The following NFKBIE variants were observed in gnomAD, a reference collection of about 807,000 sequenced individuals.
NFKBIE encodes NF-kappa-B inhibitor epsilon.
In NFKBIE, 11 loss-of-function variants were observed where a neutral mutation model predicts 31.6. The observed-to-expected ratio is 0.35, with a 90% CI of 0.22 to 0.58. The LOEUF (loss-of-function observed/expected upper bound fraction) is 0.58. NFKBIE is among the 20% of genes least tolerant of loss of function. NFKBIE has a pLI of 0.83. For synonymous variants in NFKBIE, 208 were observed against 210.1 expected, an observed-to-expected ratio of 0.99 and a Z score of 0.09; for missense variants, 354 against 465.7, an observed-to-expected ratio of 0.76 and a Z score of 2.21.
chr6:44,264,838 G>T, intron 1 of NFKBIE, 144 bp downstream of exon 1: 1 of 939,592 alleles, frequency 1.1e-6, no homozygotes, highest in Non-Finnish European at 1.6e-6. Context: ...GACCTCAAAA[G>T]TGGGCTGAGA....
At position 44,265,001 on chromosome 6, in the gene NFKBIE, T is replaced by C. The variant is rs1380983945; in HGVS notation, c.346A>G (p.Ile116Val). 8 of 1,578,858 alleles carry C rather than the reference T, an allele frequency of 5.1e-6. 1 individual carries two copies. In the African/African-American group the frequency reaches 1.1e-4, roughly 21 times the overall value. The change falls in exon 1 of 6, where the codon ATC becomes GTC. Residue 116 changes from isoleucine to valine, a missense_variant. By Grantham distance (29) the Ile-to-Val change is conservative. Transcript: ENST00000619360. Reference protein sequence around the residue: ...SPQQLEALTYISEDGDTLVHL... With the variant: ...SPQQLEALTYVSEDGDTLVHL... ...ACTCACGTGTCTCCGTCCTCGGAGATGTAAGTGAGTGCTTCCAGCTGCTGA... is the reference window on the plus strand; with the variant it reads ...ACTCACGTGTCTCCGTCCTCGGAGACGTAAGTGAGTGCTTCCAGCTGCTGA...
At chr6:44,259,333 T>C (rs777775402) in intron 5 of NFKBIE, 49 bp from the exon 6 acceptor site, 13 of 1,497,056 alleles carry the variant, frequency 8.7e-6, no homozygotes, top group Non-Finnish European at 1.2e-5. Context: ...TGGGAAAAGG[T>C]GACTTGGGAA....
chr6:44,264,929 T>C lies in NFKBIE; in HGVS notation c.365+53A>G, dbSNP rs1782062113. Reference sequence around the variant, plus strand: ...GTGGGGGTGCCCGACCTGTTGCGGCTCTTGGGCAGGCCCAGAGTTAGCATC... The same window carrying C: ...GTGGGGGTGCCCGACCTGTTGCGGCCCTTGGGCAGGCCCAGAGTTAGCATC... On this transcript the variant is annotated intron_variant, in intron 1 of 5. Transcript: ENST00000619360. The C allele has an allele frequency of 2.0e-6, 3 of 1,534,732 alleles. No individual in the cohort carries two copies. The South Asian group carries it at 3.6e-5, about 18-fold the overall frequency.
chr6:44,261,968 A>G lies in NFKBIE; in HGVS notation c.469-120T>C. 1.1e-6 allele frequency: 1 copy of G among 873,042 alleles called. No individual in the cohort carries two copies. Among genetic ancestry groups the G allele is most frequent in the Non-Finnish European group, 1.7e-6 (1 of 587,992 alleles). The allele number at this position is 873,042 out of a possible 1,614,324, so 54.1% of individuals were successfully genotyped here. A position where few individuals can be genotyped will look rare whatever the true frequency, so the allele number is the denominator to read the frequency against. ...TCTTTGAAAGCAGCTTATAAAGGCC[A>G]TAACCTGTTCTTCCAAGGAAATACT... On this transcript the variant is annotated intron_variant, in intron 2 of 5. Coordinates refer to ENST00000619360, the MANE Select transcript of NFKBIE (RefSeq NM_004556.3). The surrounding 1 kb of genome is among the most constrained non-coding windows in gnomAD (Gnocchi z 4.3).
chr6:44,260,324 G>T lies in NFKBIE; in HGVS notation c.781-42C>A. 6.2e-7 allele frequency: 1 copy of T among 1,606,296 alleles called. No individual in the cohort carries two copies. Among genetic ancestry groups the T allele is most frequent in the Non-Finnish European group, 8.5e-7 (1 of 1,173,804 alleles). On this transcript the variant is annotated intron_variant, in intron 4 of 5. Coordinates refer to ENST00000619360, the MANE Select transcript of NFKBIE (RefSeq NM_004556.3). The surrounding 1 kb of genome is among the most constrained non-coding windows in gnomAD (Gnocchi z 5.5). ...ATGTCAGCCAAGGCCCTCAGAGGCAGTGTGCTGGGCCTGGGCTCTGGATAA... is the reference window on the plus strand; with the variant it reads ...ATGTCAGCCAAGGCCCTCAGAGGCATTGTGCTGGGCCTGGGCTCTGGATAA...
rs749015957 is a variant in NFKBIE at position 44,265,451 on chromosome 6, C to T, written c.-105G>A. On this transcript the variant is annotated 5_prime_UTR_variant, in exon 1 of 6. Transcript: ENST00000619360. ...GGGTCCGCTTGGCAGAGCGGGCGCC[C>T]GGCCCGCGGCGGCCTCCTTCCCGGG... is the stretch of plus-strand genomic sequence containing the variant. The T allele has an allele frequency of 5.3e-6, 8 of 1,506,494 alleles. No homozygotes were observed. The Admixed American group carries it at 1.1e-4, about 21-fold the overall frequency. The allele number at this position is 1,506,494 out of a possible 1,614,324, so 93.3% of individuals were successfully genotyped here.
Position 44,260,618 on chromosome 6 carries a change from C to G in NFKBIE, c.692-79G>C. On this transcript the variant is annotated intron_variant, in intron 3 of 5. Coordinates refer to ENST00000619360, the MANE Select transcript of NFKBIE (RefSeq NM_004556.3). This position sits in a 1 kb window ranked among gnomAD's most constrained non-coding sequence, Gnocchi z 5.5. The stretch of plus-strand genomic sequence containing the variant: ...CCTCTCTTCTGGGACCTCCCTACCA[C>G]TCAGCCCCAAGGGACTCACAGCCCA... The G allele has an allele frequency of 7.2e-7, 1 of 1,395,142 alleles. No homozygotes were observed. Among genetic ancestry groups the G allele is most frequent in the Non-Finnish European group, 1.0e-6 (1 of 984,242 alleles). 86.4% of individuals were successfully genotyped at this position (1,395,142 alleles called of 1,614,324 possible).
Position 44,263,662 on chromosome 6 carries a change from C to A in NFKBIE, c.366-1000G>T, listed in dbSNP as rs1782007757. On this transcript the variant is annotated intron_variant, in intron 1 of 5. Coordinates refer to ENST00000619360, the MANE Select transcript of NFKBIE (RefSeq NM_004556.3). The surrounding 1 kb of genome is among the most constrained non-coding windows in gnomAD (Gnocchi z 5.0). Reference sequence around the variant, plus strand: ...GCCACCTCCCTCTCTCCCCCAGTATCCCCTCCTCCCACTTCCTCTTCCCAC... The same window carrying A: ...GCCACCTCCCTCTCTCCCCCAGTATACCCTCCTCCCACTTCCTCTTCCCAC... 6.6e-6 allele frequency among the ~76,000 whole-genome samples: 1 copy of A among 151,888 alleles called. No homozygotes were observed. The highest frequency in any genetic ancestry group is 2.4e-5 in the African/African-American group (1 of 41,350).
Position 44,259,096 on chromosome 6 carries a change from T to C in NFKBIE, c.*123A>G. ...AGGACTGTACTGGCTGGCCCCAGGC[T>C]CTGGCCACAGCAGTCCCTAGGGCAC... On this transcript the variant is annotated 3_prime_UTR_variant, in exon 6 of 6. Coordinates refer to ENST00000619360, the MANE Select transcript of NFKBIE (RefSeq NM_004556.3). 1 of 988,986 alleles carries C rather than the reference T, an allele frequency of 1.0e-6. No individual in the cohort carries two copies. The highest frequency in any genetic ancestry group is 1.6e-6 in the Non-Finnish European group (1 of 635,224). 61.3% of individuals were successfully genotyped at this position (988,986 alleles called of 1,614,324 possible).
In NFKBIE at chr6:44,263,389, C is replaced by A. The variant is rs1370521226; in HGVS notation, c.366-727G>T. ...GGAAGTTCCAGTCTTGGGGTTTCCC[C>A]ACGTCAGGTGGGGAAAACGAAAGCC... On this transcript the variant is annotated intron_variant, in intron 1 of 5. Coordinates refer to ENST00000619360, the MANE Select transcript of NFKBIE (RefSeq NM_004556.3). This position sits in a 1 kb window ranked among gnomAD's most constrained non-coding sequence, Gnocchi z 5.0. 6.6e-6 allele frequency among the ~76,000 whole-genome samples: 1 copy of A among 151,668 alleles called. No homozygotes were observed. The highest frequency in any genetic ancestry group is 2.4e-5 in the African/African-American group (1 of 41,212).
chr6:44,264,351 G>A (rs1439424901), intron 1 of NFKBIE, among the ~76,000 whole-genome samples: 12 of 152,242 alleles, frequency 7.9e-5, no homozygotes, highest in Non-Finnish European at 1.2e-4. Context: ...ACGACAGTTA[G>A]TGGGACTGGG....
At position 44,260,209 on chromosome 6, in the gene NFKBIE, A is replaced by G; in HGVS notation, c.854T>C (p.Leu285Pro). The G allele has an allele frequency of 6.2e-7, 1 of 1,614,176 alleles. No individual in the cohort carries two copies. The change falls in exon 5 of 6, where the codon CTC becomes CCC. Residue 285 changes from leucine (L) to proline (P), a missense_variant. Leu to Pro is a moderately conservative substitution (Grantham distance 98). Coordinates refer to ENST00000619360, the MANE Select transcript of NFKBIE (RefSeq NM_004556.3). This position sits in a 1 kb window ranked among gnomAD's most constrained non-coding sequence, Gnocchi z 5.5. ...TQERGLVQFLLQAGAQVDARM... is the reference protein window; with the variant it reads ...TQERGLVQFLPQAGAQVDARM... ...GGCATCTACCTGGGCACCAGCCTGG[A>G]GCAGGAACTGTACCAGGCCCCGCTC...
At position 44,260,481 on chromosome 6, in the gene NFKBIE, C is replaced by T; in HGVS notation, c.750G>A (p.Leu250=). Residue 250 remains leucine, a synonymous_variant, in exon 4 of 6, where the codon CTG becomes CTA. Coordinates refer to ENST00000619360, the MANE Select transcript of NFKBIE (RefSeq NM_004556.3). The surrounding 1 kb of genome is among the most constrained non-coding windows in gnomAD (Gnocchi z 5.5). ...CATCAATGTCAGCTCCATTCCGAAG[C>T]AGCAATTCCATGAGTGGTTGGTTCT... ...LQKNQPLMEL[L]LRNGADIDVQ... 1 of 1,614,138 alleles carries T rather than the reference C, an allele frequency of 6.2e-7. No homozygotes were observed. The highest frequency in any genetic ancestry group is 1.1e-5 in the South Asian group (1 of 91,080).
chr6:44,259,341 G>T, intron 5 of NFKBIE, 57 bp from the exon 6 acceptor site: 2 of 1,399,556 alleles, frequency 1.4e-6, no homozygotes, highest in Non-Finnish European at 1.0e-6. Flanking sequence ...GGTGACTTGG[G>T]AAAGGGGACC....
At position 44,259,200 on chromosome 6, in the gene NFKBIE, T is replaced by C; in HGVS notation, c.*19A>G. On this transcript the variant is annotated 3_prime_UTR_variant, in exon 6 of 6. Coordinates refer to ENST00000619360, the MANE Select transcript of NFKBIE (RefSeq NM_004556.3). Reference sequence around the variant, plus strand: ...AGATGGAGAGGTGGAGCCCTGAGGATCCCAGACCCTGCCTGGCTTCAGTCG... The same window carrying C: ...AGATGGAGAGGTGGAGCCCTGAGGACCCCAGACCCTGCCTGGCTTCAGTCG... 1 of 1,612,618 alleles carries C rather than the reference T, an allele frequency of 6.2e-7. No individual in the cohort carries two copies. The highest frequency in any genetic ancestry group is 8.5e-7 in the Non-Finnish European group (1 of 1,179,174).
In NFKBIE at chr6:44,260,126, T is replaced by C; in HGVS notation, c.937A>G (p.Ile313Val). ...CCCGCCTTGCACAGAGTGGATGAGATGCCCATGAGACCCCGGCCAGCTGCC... is the reference window on the plus strand; with the variant it reads ...CCCGCCTTGCACAGAGTGGATGAGACGCCCATGAGACCCCGGCCAGCTGCC... ...HLAAGRGLMG[I>V]SSTLCKAGAD... The change falls in exon 5 of 6, where the codon ATC (isoleucine) becomes GTC (valine). Residue 313 changes from isoleucine (I) to valine (V), a missense_variant. By Grantham distance (29) the Ile-to-Val change is conservative. Transcript: ENST00000619360. The surrounding 1 kb of genome is among the most constrained non-coding windows in gnomAD (Gnocchi z 5.5). The C allele has an allele frequency of 1.2e-6, 2 of 1,614,208 alleles. No individual in the cohort carries two copies. The highest frequency in any genetic ancestry group is 8.5e-7 in the Non-Finnish European group (1 of 1,180,026).
chr6:44,262,512 G>T (rs1300067093), intron 2 of NFKBIE, 48 bp downstream of exon 2: 1 of 1,525,088 alleles, frequency 6.6e-7, no homozygotes, highest in Non-Finnish European at 9.1e-7. Context: ...GGGAATGGCT[G>T]CCAGGGCACA....
Position 44,263,193 on chromosome 6 carries a change from C to T in NFKBIE, c.366-531G>A, listed in dbSNP as rs1419479851. Among the ~76,000 whole-genome samples the T allele has an allele frequency of 6.6e-6, 1 of 152,236 alleles. No homozygotes were observed. Among genetic ancestry groups the T allele is most frequent in the Non-Finnish European group, 1.5e-5 (1 of 68,040 alleles). On this transcript the variant is annotated intron_variant, in intron 1 of 5. Coordinates refer to ENST00000619360, the MANE Select transcript of NFKBIE (RefSeq NM_004556.3). The surrounding 1 kb of genome is among the most constrained non-coding windows in gnomAD (Gnocchi z 5.0). ...ACAGTGCAGCATCCTGTCCTGCTGC[C>T]CTTCCCTGGGAGTCAAGAGGCACCT...
chr6:44,262,757 T>C, intron 1 of NFKBIE, 95 bp from the exon 2 acceptor site: 1 of 879,200 alleles, frequency 1.1e-6, no homozygotes, highest in Non-Finnish European at 1.9e-6. Context: ...AAACTTTAAC[T>C]AGCTACCCAT....
Sources: gnomAD v4.1 joint callset for allele counts (sites outside exome capture counted in the v4.1 genomes callset) on GRCh38, gnomAD v4.1.1 for gene constraint, Gnocchi (gnomAD v3.1) non-coding constraint, MANE v1.5 for transcripts, NCBI Gene and HGNC (gene_info 2026-07-23, HGNC 2026-07-21) for gene names.